Variants in CFAP61 observed in about 807,000 individuals in gnomAD.
CFAP61 encodes cilia- and flagella-associated protein 61.
Under a neutral mutation model 135.6 loss-of-function variants are expected in CFAP61, and 107 were observed. The observed-to-expected ratio is 0.79, with a 90% CI of 0.67 to 0.93. The LOEUF (loss-of-function observed/expected upper bound fraction) is 0.93. Among genes scored for constraint, CFAP61 ranks in the 40% least tolerant of loss-of-function variants. The pLI is 0.00. For missense variants in CFAP61, 1,507 were observed against 1,556.2 expected, an observed-to-expected ratio of 0.97 and a Z score of 0.53; for synonymous variants, 575 against 578.5, an observed-to-expected ratio of 0.99 and a Z score of 0.09.
chr20:20,329,734 C>T (rs760240342), intron 25 of CFAP61, among the ~76,000 whole-genome samples: 10 of 152,220 alleles, frequency 6.6e-5, no homozygotes, highest in Non-Finnish European at 1.2e-4. Context: ...GCAGTCAAAC[C>T]ACCTGTCATT....
chr20:20,182,317 AGT>A (rs2055164430), intron 13 of CFAP61, among the ~76,000 whole-genome samples: 2 of 152,336 alleles, frequency 1.3e-5, no homozygotes, highest in African/African-American at 4.8e-5. Context: ...AGAATAAAAT[AGT>A]ATGCATCCTT....
At chr20:20,057,262 G>A (rs971953612) in intron 2 of CFAP61, among the ~76,000 whole-genome samples, 5 of 152,052 alleles carry the variant, frequency 3.3e-5, no homozygotes, top group Non-Finnish European at 7.3e-5. Flanking sequence ...AGAAATCTCT[G>A]GGAACAACAA....
intron 8 of CFAP61, among the ~76,000 whole-genome samples, chr20:20,121,649 T>C (rs73605590): frequency 0.098 from 14,956 of 152,088 alleles, 1,549 homozygotes; most frequent in East Asian, 0.6. Flanking sequence ...CACATGCCCC[T>C]GTGCCCAGCT....
chr20:20,170,466 T>C (rs2054143364), intron 13 of CFAP61, among the ~76,000 whole-genome samples: 4 of 152,318 alleles, frequency 2.6e-5, no homozygotes, highest in Middle Eastern at 3.4e-3. Flanking sequence ...CCAGACTGTT[T>C]CTACAGGAAA....
At chr20:20,140,343 C>A (rs2051282148) in intron 8 of CFAP61, among the ~76,000 whole-genome samples, 1 of 143,930 alleles carries the variant, frequency 6.9e-6, no homozygotes, top group African/African-American at 2.6e-5. Context: ...TCCCTCCCAC[C>A]TCCCCCCACC....
At chr20:20,287,742 A>G (rs943304631) in intron 22 of CFAP61, among the ~76,000 whole-genome samples, 21 of 152,256 alleles carry the variant, frequency 1.4e-4, no homozygotes, top group Non-Finnish European at 2.8e-4. Flanking sequence ...ATAAAGTGGC[A>G]GACTATTTTA....
intron 1 of CFAP61, among the ~76,000 whole-genome samples, chr20:20,056,250 T>C (rs983972603): frequency 6.6e-6 from 1 of 152,226 alleles, no homozygotes; most frequent in African/African-American, 2.4e-5. Flanking sequence ...GCAGCAGCTG[T>C]CAGTATTTCC....
chr20:20,300,700 G>A (rs1281464583), intron 25 of CFAP61, among the ~76,000 whole-genome samples: 1 of 151,610 alleles, frequency 6.6e-6, no homozygotes, highest in African/African-American at 2.4e-5. Flanking sequence ...TGCCTCCCTG[G>A]GTTCAAGCAA....
At chr20:20,200,700 G>T (rs1198059806) in intron 17 of CFAP61, 8 of 985,192 alleles carry the variant, frequency 8.1e-6, no homozygotes, top group Middle Eastern at 1.0e-3. Context: ...AAAGGAAAGT[G>T]TAAGTTTAAA....
chr20:20,067,888 A>G (rs887035770), intron 2 of CFAP61, among the ~76,000 whole-genome samples: 9 of 150,856 alleles, frequency 6.0e-5, no homozygotes, highest in Admixed American at 1.3e-4. Context: ...CTAAGGGGTA[A>G]TAAGAAGTGA....
chr20:20,154,571 A>AATCAT (rs1427691222), intron 9 of CFAP61, among the ~76,000 whole-genome samples: 1 of 152,110 alleles, frequency 6.6e-6, no homozygotes, highest in African/African-American at 2.4e-5. Context: ...CCAAGCTGAG[A>AATCAT]ATCATATACA....
chr20:20,305,632 ACT>A (rs1374379568), intron 25 of CFAP61, among the ~76,000 whole-genome samples: 1 of 151,990 alleles, frequency 6.6e-6, no homozygotes, highest in South Asian at 2.1e-4. Flanking sequence ...CTCTCTGTAG[ACT>A]CTGTAAGGGT....
intron 26 of CFAP61, among the ~76,000 whole-genome samples, chr20:20,347,807 T>A (rs192905813): frequency 3.1e-4 from 47 of 151,544 alleles, no homozygotes; most frequent in African/African-American, 1.1e-3. Context: ...GTGGCACATA[T>A]CTGTAATCCC....
intron 17 of CFAP61, among the ~76,000 whole-genome samples, chr20:20,224,211 T>G (rs1451854910): frequency 6.6e-6 from 1 of 152,186 alleles, no homozygotes; most frequent in Admixed American, 6.5e-5. Flanking sequence ...GCTACTCACA[T>G]GTACAGTCTT....
At chr20:20,326,454 A>C (rs73289213) in intron 25 of CFAP61, among the ~76,000 whole-genome samples, 14 of 152,264 alleles carry the variant, frequency 9.2e-5, no homozygotes, top group Admixed American at 2.0e-4. Flanking sequence ...ATTTTCTTCT[A>C]TCACTTTCGT....
In CFAP61 at chr20:20,164,082, A is replaced by T; in HGVS notation, c.1059A>T (p.Gly353=). The T allele has an allele frequency of 6.2e-7, 1 of 1,613,670 alleles. No homozygotes were observed. Among genetic ancestry groups the T allele is most frequent in the South Asian group, 1.1e-5 (1 of 90,972 alleles). Reference sequence around the variant, plus strand: ...AAAAACTCAGTGACATCTCCACTGGATATGCACAGTATCACCATGTCAGCA... The same window carrying T: ...AAAAACTCAGTGACATCTCCACTGGTTATGCACAGTATCACCATGTCAGCA... ...DIEKLSDIST[G]YAQYHHVSSR... Residue 353 remains glycine, a synonymous_variant, in exon 11 of 27, where the codon GGA becomes GGT. Coordinates refer to ENST00000245957, the MANE Select transcript of CFAP61 (RefSeq NM_015585.4).
intron 15 of CFAP61, among the ~76,000 whole-genome samples, chr20:20,194,077 A>G (rs1021013584): frequency 1.2e-4 from 18 of 152,134 alleles, no homozygotes; most frequent in African/African-American, 3.6e-4. Flanking sequence ...GGAATTCTGA[A>G]ATTTTGCCAA....
rs1044937408 is a variant in CFAP61, at chr20:20,123,883, T to C, written c.860-18974T>C. On this transcript the variant is annotated intron_variant, in intron 8 of 26. Transcript: ENST00000245957. ...CCATGAGCATGGGATGTGTTTCCAT[T>C]TGTTTGTTTCATCTGTGATTTCTTT... Among the ~76,000 whole-genome samples the C allele has an allele frequency of 2.6e-5, 4 of 151,738 alleles. 1 individual carries two copies. The highest frequency in any genetic ancestry group is 2.6e-4 in the Admixed American group (4 of 15,260).
intron 22 of CFAP61, 31 bp downstream of exon 22, chr20:20,277,489 A>C (rs2053860110): frequency 2.6e-6 from 4 of 1,567,132 alleles, no homozygotes; most frequent in African/African-American, 2.7e-5. Flanking sequence ...CTCACTCACC[A>C]GCCAGGGACA....
Sources: gnomAD v4.1 joint callset for allele counts (sites outside exome capture counted in the v4.1 genomes callset) on GRCh38, gnomAD v4.1.1 for gene constraint, MANE v1.5 for transcripts, NCBI Gene and HGNC (gene_info 2026-07-23, HGNC 2026-07-21) for gene names.